Variants in PRDM2 observed in about 807,000 individuals in gnomAD.
The protein encoded by PRDM2 is PR domain zinc finger protein 2.
Under a neutral mutation model 130.0 loss-of-function variants are expected in PRDM2, and 30 were observed. That is an observed-to-expected ratio of 0.23 (90% confidence interval 0.17 to 0.31). PRDM2 has a LOEUF of 0.31. Ranked by LOEUF, PRDM2 falls within the 10% of genes least tolerant of loss-of-function variation. The pLI, the probability that PRDM2 is intolerant of heterozygous loss-of-function variation, is 1.00. For missense variants in PRDM2, 2,011 were observed against 2,108.4 expected (o/e 0.95, Z 0.90); for synonymous variants, 871 against 782.4 (o/e 1.11, Z -1.89).
intron 4 of PRDM2, among the ~76,000 whole-genome samples, chr1:13,733,315 C>T (rs1038972586): frequency 5.9e-5 from 9 of 152,214 alleles, no homozygotes; most frequent in African/African-American, 2.2e-4. Context: ...ATATATTTAG[C>T]ATATGGCACA....
intron 8 of PRDM2, among the ~76,000 whole-genome samples, chr1:13,811,435 A>G (rs917998627): frequency 6.6e-6 from 1 of 152,098 alleles, no homozygotes; most frequent in Non-Finnish European, 1.5e-5. Context: ...CAGTGCTGGG[A>G]GCGCACAGGC....
At chr1:13,748,567 A>G (rs1643687971) in intron 5 of PRDM2, among the ~76,000 whole-genome samples, 1 of 152,182 alleles carries the variant, frequency 6.6e-6, no homozygotes, top group Non-Finnish European at 1.5e-5. Flanking sequence ...AGAGAAACCA[A>G]TAGGCTGTTT....
intron 1 of PRDM2, 78 bp from the exon 2 acceptor site, chr1:13,715,463 T>C (rs760361923): frequency 7.6e-5 from 45 of 595,700 alleles, no homozygotes; most frequent in Non-Finnish European, 9.3e-5. Flanking sequence ...CAGCAAACTC[T>C]ACAGTTCTGT....
chr1:13,753,422 A>G (rs1272743034), intron 6 of PRDM2, among the ~76,000 whole-genome samples: 1 of 152,232 alleles, frequency 6.6e-6, no homozygotes, highest in Non-Finnish European at 1.5e-5. Flanking sequence ...GAACAGTTAA[A>G]TTATAATCAG....
intron 2 of PRDM2, among the ~76,000 whole-genome samples, chr1:13,723,496 G>A (rs550381775): frequency 1.3e-5 from 2 of 152,306 alleles, no homozygotes; most frequent in African/African-American, 2.4e-5. Context: ...GAAAGGAATT[G>A]GACGTGACAG....
chr1:13,805,238 A>G (rs1645069543), intron 8 of PRDM2, among the ~76,000 whole-genome samples: 1 of 152,124 alleles, frequency 6.6e-6, no homozygotes, highest in Non-Finnish European at 1.5e-5. Context: ...TCCTCATTTT[A>G]CAGGCAAGAC....
intron 3 of PRDM2, among the ~76,000 whole-genome samples, chr1:13,732,300 G>T (rs1643135179): frequency 6.6e-6 from 1 of 152,116 alleles, no homozygotes; most frequent in African/African-American, 2.4e-5. Context: ...TAAAGCAAAT[G>T]AACTTCAAAA....
chr1:13,722,505 G>A (rs936054207), intron 2 of PRDM2, among the ~76,000 whole-genome samples: 1 of 152,042 alleles, frequency 6.6e-6, no homozygotes. Context: ...TCTTCCAATA[G>A]AATTTTTTTT....
Position 13,781,134 on chromosome 1 carries a change from G to A in PRDM2, c.3339G>A (p.Arg1113=), listed in dbSNP as rs558122363. ...TAGAGAATGAAGGTCTGAAACCCAGGGAAGAGCCCCAGTCTGCTGCTGAAC... is the reference window on the plus strand; with the variant it reads ...TAGAGAATGAAGGTCTGAAACCCAGAGAAGAGCCCCAGTCTGCTGCTGAAC... The part of the protein sequence containing the change: ...EELENEGLKP[R]EEPQSAAEQD... The change falls in exon 8 of 10, where the codon AGG becomes AGA. Residue 1113 remains arginine (R), a synonymous_variant. Coordinates refer to ENST00000311066, the MANE Select transcript of PRDM2 (RefSeq NM_001393986.1). The surrounding 1 kb of genome is among the most constrained non-coding windows in gnomAD (Gnocchi z 6.1). 2.3e-5 allele frequency: 37 copies of A among 1,614,116 alleles called. No homozygotes were observed. In the East Asian group the frequency reaches 4.9e-4, roughly 21 times the overall value.
intron 8 of PRDM2, among the ~76,000 whole-genome samples, chr1:13,802,744 G>A (rs909188270): frequency 4.6e-5 from 7 of 152,208 alleles, no homozygotes; most frequent in Non-Finnish European, 1.0e-4. Flanking sequence ...TTCCCAAGTT[G>A]GGAATCTGCT....
intron 7 of PRDM2, among the ~76,000 whole-genome samples, chr1:13,773,964 C>T (rs937979709): frequency 1.3e-5 from 2 of 152,184 alleles, no homozygotes; most frequent in Non-Finnish European, 2.9e-5. Flanking sequence ...TAAGCATTTA[C>T]TTACAATGTC....
intron 5 of PRDM2, among the ~76,000 whole-genome samples, chr1:13,745,425 GTT>G (rs572467638): frequency 1.1e-4 from 16 of 139,212 alleles, no homozygotes; most frequent in Admixed American, 1.4e-4. Flanking sequence ...TAAGCTAATG[GTT>G]TTTTTTTTTT....
At chr1:13,714,112 A>G (rs573018299) in intron 1 of PRDM2, among the ~76,000 whole-genome samples, 8 of 152,150 alleles carry the variant, frequency 5.3e-5, no homozygotes, top group African/African-American at 1.9e-4. Flanking sequence ...CTCGTGATCC[A>G]CCTGCCTTGG....
chr1:13,703,411 A>G (rs958357298), intron 1 of PRDM2, among the ~76,000 whole-genome samples: 49 of 152,226 alleles, frequency 3.2e-4, no homozygotes, highest in Middle Eastern at 3.2e-3. Flanking sequence ...ATCTAACTGT[A>G]TGGTTGAATT....
chr1:13,814,940 C>G (rs1645233061), intron 8 of PRDM2, among the ~76,000 whole-genome samples: 1 of 152,184 alleles, frequency 6.6e-6, no homozygotes, highest in South Asian at 2.1e-4. Flanking sequence ...AGGTGACAGG[C>G]TCTTTGTGCC....
chr1:13,777,380 T>C (rs1395775804), intron 7 of PRDM2, among the ~76,000 whole-genome samples: 2 of 151,730 alleles, frequency 1.3e-5, no homozygotes, highest in Non-Finnish European at 2.9e-5. Context: ...TGAATACAAG[T>C]CAGATTATAT....
chr1:13,746,671 T>C (rs1308351184), intron 5 of PRDM2, among the ~76,000 whole-genome samples: 1 of 152,208 alleles, frequency 6.6e-6, no homozygotes, highest in African/African-American at 2.4e-5. Flanking sequence ...ATTCTCCTAC[T>C]TGAGCCTCCT....
intron 5 of PRDM2, among the ~76,000 whole-genome samples, chr1:13,747,447 G>A (rs1643644392): frequency 6.6e-6 from 1 of 152,064 alleles, no homozygotes; most frequent in South Asian, 2.1e-4. Flanking sequence ...CTTGATGGCT[G>A]TTTTAATTTA....
intron 2 of PRDM2, among the ~76,000 whole-genome samples, chr1:13,720,180 TA>T (rs1642677207): frequency 6.6e-6 from 1 of 152,226 alleles, no homozygotes; most frequent in African/African-American, 2.4e-5. Flanking sequence ...AATGAGACGC[TA>T]ATAAAATTTG....
Sources: gnomAD v4.1 joint callset for allele counts (sites outside exome capture counted in the v4.1 genomes callset) on GRCh38, gnomAD v4.1.1 for gene constraint, Gnocchi (gnomAD v3.1) non-coding constraint, MANE v1.5 for transcripts, NCBI Gene and HGNC (gene_info 2026-07-23, HGNC 2026-07-21) for gene names.